The following PRELID2 variants were observed in gnomAD, a reference collection of about 807,000 sequenced individuals.
PRELID2 encodes PRELI domain containing 2, also known as PRELI domain-containing protein 2.
In PRELID2, 25 loss-of-function variants were observed where a neutral mutation model predicts 28.4. The observed-to-expected ratio is 0.88, with a 90% CI of 0.64 to 1.23. The LOEUF (loss-of-function observed/expected upper bound fraction) is 1.23, where lower values mean the gene tolerates loss of function less well. Ranked by LOEUF, PRELID2 falls within the 50% of genes most tolerant of loss-of-function variation. The pLI is 0.00. For synonymous variants in PRELID2, 76 were observed against 71.6 expected (o/e 1.06, Z -0.31); for missense variants, 201 against 214.4 (o/e 0.94, Z 0.39).
the PRELID2 span, among the ~76,000 whole-genome samples, chr5:145,339,791 C>A: frequency 6.6e-6 from 1 of 151,956 alleles, no homozygotes; most frequent in South Asian, 2.1e-4. Context: ...AAAGGCAAGC[C>A]CTCAACTGGC....
At chr5:145,253,626 T>C in the PRELID2 span, among the ~76,000 whole-genome samples, 1 of 152,010 alleles carries the variant, frequency 6.6e-6, no homozygotes, top group East Asian at 1.9e-4. Flanking sequence ...CTCTGTCAGA[T>C]TCTAAATCTC....
the PRELID2 span, among the ~76,000 whole-genome samples, chr5:145,385,149 G>A: frequency 6.6e-5 from 10 of 152,102 alleles, no homozygotes; most frequent in African/African-American, 2.4e-4. Flanking sequence ...TAGTCTGCGT[G>A]TTATACTGCA....
At chr5:145,536,657 T>C (rs914183859) in intron 1 of PRELID2, among the ~76,000 whole-genome samples, 2 of 151,940 alleles carry the variant, frequency 1.3e-5, no homozygotes, top group South Asian at 2.1e-4. Context: ...GGGGCCAGGA[T>C]ACTTCCATGT....
At chr5:145,463,585 C>T in the PRELID2 span, among the ~76,000 whole-genome samples, 4 of 152,134 alleles carry the variant, frequency 2.6e-5, no homozygotes, top group South Asian at 2.1e-4. Flanking sequence ...AACTTCATAA[C>T]GGGAAGGACT....
chr5:145,788,268 T>C (rs2149805219), intron 5 of PRELID2, among the ~76,000 whole-genome samples: 1 of 152,360 alleles, frequency 6.6e-6, no homozygotes, highest in South Asian at 2.1e-4. Context: ...TACTTACTTA[T>C]CTCAAGGCCT....
At chr5:145,713,664 AG>A (rs1755765710) in intron 1 of PRELID2, among the ~76,000 whole-genome samples, 1 of 97,384 alleles carries the variant, frequency 1.0e-5, no homozygotes, top group Non-Finnish European at 2.0e-5. Flanking sequence ...AAGTATATAT[AG>A]TGTGTGTATA....
the PRELID2 span, among the ~76,000 whole-genome samples, chr5:145,441,750 T>A: frequency 6.6e-6 from 1 of 152,076 alleles, no homozygotes; most frequent in East Asian, 1.9e-4. Flanking sequence ...CGCCACACAT[T>A]GCCTCTGCAG....
chr5:145,678,133 G>A (rs772054871), intron 1 of PRELID2, among the ~76,000 whole-genome samples: 1 of 152,330 alleles, frequency 6.6e-6, no homozygotes, highest in Admixed American at 6.5e-5. Flanking sequence ...AAAACTTGAT[G>A]CTGAGGGTAA....
intron 1 of PRELID2, among the ~76,000 whole-genome samples, chr5:145,584,588 GA>G: frequency 6.6e-6 from 1 of 151,802 alleles, no homozygotes; most frequent in East Asian, 1.9e-4. Context: ...AAATTTACAA[GA>G]AAAAAACAAA....
intron 1 of PRELID2, among the ~76,000 whole-genome samples, chr5:145,731,512 G>A (rs1756345448): frequency 6.6e-6 from 1 of 152,196 alleles, no homozygotes; most frequent in Non-Finnish European, 1.5e-5. Context: ...CTTACTATCT[G>A]AATAATCTGG....
At chr5:145,678,581 T>G (rs1429822582) in intron 1 of PRELID2, among the ~76,000 whole-genome samples, 1 of 152,172 alleles carries the variant, frequency 6.6e-6, no homozygotes, top group Non-Finnish European at 1.5e-5. Context: ...ACCAACTTAT[T>G]ATGAGTTCAA....
At chr5:145,417,698 C>T in the PRELID2 span, among the ~76,000 whole-genome samples, 3 of 152,048 alleles carry the variant, frequency 2.0e-5, no homozygotes, top group East Asian at 3.9e-4. Context: ...ATTCAACATC[C>T]CTTCATGTTA....
chr5:145,298,456 T>C, the PRELID2 span, among the ~76,000 whole-genome samples: 1 of 152,290 alleles, frequency 6.6e-6, no homozygotes, highest in African/African-American at 2.4e-5. Context: ...TTACACCTTA[T>C]ACAAAAATTA....
intron 1 of PRELID2, among the ~76,000 whole-genome samples, chr5:145,668,211 A>T (rs1754634985): frequency 6.6e-6 from 1 of 152,086 alleles, no homozygotes; most frequent in Admixed American, 6.6e-5. Flanking sequence ...ATGTGTGTGA[A>T]ATCCTTCAAC....
the PRELID2 span, among the ~76,000 whole-genome samples, chr5:145,369,303 G>T: frequency 2.6e-5 from 4 of 152,034 alleles, no homozygotes; most frequent in Admixed American, 6.6e-5. Flanking sequence ...GCCCTGGTGT[G>T]TGTTGTTTCC....
chr5:145,498,865 A>G (rs1580959380), intron 1 of PRELID2, among the ~76,000 whole-genome samples: 1 of 152,040 alleles, frequency 6.6e-6, no homozygotes, highest in Admixed American at 6.6e-5. Context: ...GGTATGAGCC[A>G]CCACACCCGG....
chr5:145,490,437 G>C (rs1161036550), intron 1 of PRELID2, among the ~76,000 whole-genome samples: 1 of 152,070 alleles, frequency 6.6e-6, no homozygotes, highest in Non-Finnish European at 1.5e-5. Context: ...AAGCTCTCTT[G>C]AAACTAATAT....
intron 1 of PRELID2, among the ~76,000 whole-genome samples, chr5:145,678,281 C>T (rs1754861646): frequency 1.3e-5 from 2 of 152,152 alleles, no homozygotes; most frequent in African/African-American, 4.8e-5. Context: ...AAACTACCTC[C>T]CTGTCCCATG....
the PRELID2 span, among the ~76,000 whole-genome samples, chr5:145,315,539 T>G: frequency 7.0e-6 from 1 of 143,672 alleles, no homozygotes; most frequent in Non-Finnish European, 1.5e-5. Flanking sequence ...TTGCTTGCTC[T>G]TTCAGGGTGT....
Sources: gnomAD v4.1 joint callset for allele counts (sites outside exome capture counted in the v4.1 genomes callset) on GRCh38, gnomAD v4.1.1 for gene constraint, MANE v1.5 for transcripts, NCBI Gene and HGNC (gene_info 2026-07-23, HGNC 2026-07-21) for gene names.